KCTD10: variants seen among roughly 807,000 people sequenced by gnomAD.
KCTD10 encodes the protein potassium channel tetramerization domain containing 10.
KCTD10 carries 13 observed loss-of-function variants against 34.6 expected under a neutral mutation model. That is an observed-to-expected ratio of 0.38 (90% CI 0.24 to 0.60). The LOEUF is 0.60. KCTD10 is among the 20% of genes least tolerant of loss of function. KCTD10 has a pLI of 0.66. For synonymous variants in KCTD10, 156 were observed against 168.8 expected (o/e 0.92, Z 0.59); for missense variants, 256 against 420.3 (o/e 0.61, Z 3.42).
At position 109,457,702 on chromosome 12, in the gene KCTD10, A is replaced by G. The variant is rs1277945422; in HGVS notation, c.475-20T>C. ...GGCTGGCTGTGGGTTGTTTTAAAAG[A>G]AGAAGAAGAGAGTTACTTGGCAGGC... On this transcript the variant is annotated intron_variant, in intron 4 of 6. Coordinates refer to ENST00000228495, the MANE Select transcript of KCTD10 (RefSeq NM_031954.5). 1 of 1,613,778 alleles carries G rather than the reference A, an allele frequency of 6.2e-7. No individual in the cohort carries two copies. The highest frequency in any genetic ancestry group is 1.7e-5 in the Admixed American group (1 of 60,014).
intron 1 of KCTD10, 173 bp from the exon 2 acceptor site, chr12:109,469,901 T>A: frequency 7.3e-7 from 1 of 1,366,950 alleles, no homozygotes; most frequent in Non-Finnish European, 9.6e-7. Context: ...TCTGGACTTC[T>A]GGCTTCTCCT....
intron 3 of KCTD10, chr12:109,458,911 T>G (rs1873168626): frequency 6.6e-6 from 1 of 152,286 alleles, no homozygotes; most frequent in African/African-American, 2.4e-5. Flanking sequence ...TGCAGCCCAG[T>G]GGACAACAAG....
At position 109,451,942 on chromosome 12, in the gene KCTD10, T is replaced by G; in HGVS notation, c.724-129A>C. On this transcript the variant is annotated intron_variant, in intron 6 of 6. Transcript: ENST00000228495. The surrounding 1 kb of genome is among the most constrained non-coding windows in gnomAD (Gnocchi z 5.0). ...CTGCTGAAGGCCACCAGTATTATTTTTAAATAAACTGATATTTTCAATGGC... is the reference window on the plus strand; with the variant it reads ...CTGCTGAAGGCCACCAGTATTATTTGTAAATAAACTGATATTTTCAATGGC... 3.1e-6 allele frequency: 2 copies of G among 646,978 alleles called. No homozygotes were observed. Among genetic ancestry groups the G allele is most frequent in the Non-Finnish European group, 5.0e-6 (2 of 400,992 alleles). 40.1% of individuals were successfully genotyped at this position (646,978 alleles called of 1,614,324 possible). A position where few individuals can be genotyped will look rare whatever the true frequency, so the allele number is the denominator to read the frequency against.
At position 109,461,905 on chromosome 12, in the gene KCTD10, G is replaced by A. The variant is rs529418007; in HGVS notation, c.218-1100C>T. Among the ~76,000 whole-genome samples, 4 of 152,290 alleles carry A rather than the reference G, an allele frequency of 2.6e-5. No individual in the cohort carries two copies. In the East Asian group the frequency reaches 5.8e-4, roughly 22 times the overall value. ...CCGTGAGAAGGCTTCAGTAGGAATC[G>A]GTCACTTTATGCTACCACCTTCCTC... On this transcript the variant is annotated intron_variant, in intron 2 of 6. Coordinates refer to ENST00000228495, the MANE Select transcript of KCTD10 (RefSeq NM_031954.5).
In KCTD10 at chr12:109,469,737, GGA is replaced by G. The variant is rs1207575860; in HGVS notation, c.4-11_4-10del. On this transcript the variant is annotated splice_polypyrimidine_tract_variant and intron_variant, in intron 1 of 6. Transcript: ENST00000228495. ...TCTCCTGACATCTCTTCCTGCCAGT[GGA>G]GAGGATACAGGGTCATGACATCAGG... 6.2e-7 allele frequency: 1 copy of G among 1,613,908 alleles called. No individual in the cohort carries two copies. The highest frequency in any genetic ancestry group is 1.3e-5 in the African/African-American group (1 of 74,918).
At chr12:109,466,323 C>T (rs1488275215) in intron 2 of KCTD10, among the ~76,000 whole-genome samples, 1 of 152,216 alleles carries the variant, frequency 6.6e-6, no homozygotes, top group African/African-American at 2.4e-5. Flanking sequence ...TTACTGAGTT[C>T]TCCCAACATC....
rs1873113801 is a variant in KCTD10, at chr12:109,457,986, A to G, written c.474+6T>C. The G allele has an allele frequency of 6.2e-7, 1 of 1,610,570 alleles. No homozygotes were observed. The highest frequency in any genetic ancestry group is 8.5e-7 in the Non-Finnish European group (1 of 1,176,720). On this transcript the variant is annotated splice_donor_region_variant and intron_variant, in intron 4 of 6. Coordinates refer to ENST00000228495, the MANE Select transcript of KCTD10 (RefSeq NM_031954.5). The stretch of plus-strand genomic sequence containing the variant: ...AAGAAATTCCACAAGGGTGCCTCCA[A>G]CATACCTTATTTGAAGTCGCTATAA...
rs1169037897 is a variant in KCTD10 at position 109,448,722 on chromosome 12, CTT to C, written c.*2871_*2872del. 1 of 152,222 alleles carries C rather than the reference CTT, an allele frequency of 6.6e-6. No homozygotes were observed. Among genetic ancestry groups the C allele is most frequent in the Non-Finnish European group, 1.5e-5 (1 of 68,036 alleles). The allele number at this position is 152,222 out of a possible 1,614,324, so 9.4% of individuals were successfully genotyped here. Reference sequence around the variant, plus strand: ...CAACATACAGTGGCTACATCTAAAACTTTGAGCATTTTTTTATGGCGCAAAGA... The same window carrying C: ...CAACATACAGTGGCTACATCTAAAACTGAGCATTTTTTTATGGCGCAAAGA... On this transcript the variant is annotated 3_prime_UTR_variant, in exon 7 of 7. Transcript: ENST00000228495.
intron 6 of KCTD10, among the ~76,000 whole-genome samples, chr12:109,453,718 C>T (rs1377443815): frequency 6.6e-6 from 1 of 152,182 alleles, no homozygotes; most frequent in African/African-American, 2.4e-5. Context: ...ACCAAACCCC[C>T]AGCTTTCTGG....
At position 109,477,297 on chromosome 12, in the gene KCTD10, G is replaced by A. The variant is rs1874441445; in HGVS notation, c.-35C>T. ...GAGGACGCAGGAGTCTCCAAACCCG[G>A]ACTGAGAGAGGCAGGAAACACCCAG... On this transcript the variant is annotated 5_prime_UTR_variant, in exon 1 of 7. Coordinates refer to ENST00000228495, the MANE Select transcript of KCTD10 (RefSeq NM_031954.5). 1 of 1,613,574 alleles carries A rather than the reference G, an allele frequency of 6.2e-7. No individual in the cohort carries two copies. The highest frequency in any genetic ancestry group is 8.5e-7 in the Non-Finnish European group (1 of 1,179,790).
At chr12:109,464,798 A>C in intron 2 of KCTD10, 1 of 455,538 alleles carries the variant, frequency 2.2e-6, no homozygotes, top group Non-Finnish European at 4.4e-6. Flanking sequence ...TGCAATAATT[A>C]AAAGGTTGGA....
rs374862342 is a variant in KCTD10, at chr12:109,457,976, G to A, written c.474+16C>T. On this transcript the variant is annotated intron_variant, in intron 4 of 6. Coordinates refer to ENST00000228495, the MANE Select transcript of KCTD10 (RefSeq NM_031954.5). ...CTGGTAGCAAAAGAAATTCCACAAG[G>A]GTGCCTCCAACATACCTTATTTGAA... 6.3e-7 allele frequency: 1 copy of A among 1,593,318 alleles called. No homozygotes were observed. The highest frequency in any genetic ancestry group is 1.1e-5 in the South Asian group (1 of 90,472).
chr12:109,477,102 A>G (rs1421757184), intron 1 of KCTD10, among the ~76,000 whole-genome samples, 158 bp downstream of exon 1: 2 of 16,636 alleles, frequency 1.2e-4, no homozygotes, highest in Non-Finnish European at 2.4e-4. Flanking sequence ...CCCTTCCCCC[A>G]CCCCGGGCCT....
chr12:109,464,853 A>G (rs1873516245), intron 2 of KCTD10: 1 of 455,958 alleles, frequency 2.2e-6, no homozygotes, highest in Non-Finnish European at 4.4e-6. Flanking sequence ...CAGGGAGTAG[A>G]AGTTGCCATA....
Position 109,450,043 on chromosome 12 carries a change from A to AG in KCTD10, c.*1551dup, listed in dbSNP as rs1566049243. 1 of 379,784 alleles carries AG rather than the reference A, an allele frequency of 2.6e-6. No homozygotes were observed. Among genetic ancestry groups the AG allele is most frequent in the Non-Finnish European group, 4.7e-6 (1 of 214,606 alleles). 23.5% of individuals were successfully genotyped at this position (379,784 alleles called of 1,614,324 possible). On this transcript the variant is annotated 3_prime_UTR_variant, in exon 7 of 7. Transcript: ENST00000228495. ...ATGAAGGCATACAACTGTCACAGGC[A>AG]GGGCAGTAAGTACAAAGTCTAAGCT...
chr12:109,451,855 C>T lies in KCTD10; in HGVS notation c.724-42G>A. 3.9e-6 allele frequency: 6 copies of T among 1,534,618 alleles called. No individual in the cohort carries two copies. The highest frequency in any genetic ancestry group is 1.4e-5 in the African/African-American group (1 of 73,270). On this transcript the variant is annotated intron_variant, in intron 6 of 6. Coordinates refer to ENST00000228495, the MANE Select transcript of KCTD10 (RefSeq NM_031954.5). The surrounding 1 kb of genome is among the most constrained non-coding windows in gnomAD (Gnocchi z 5.0). ...TACAGGGCAGGTAAGTTATGGCCCA[C>T]CCCCTCTGCCAACACCTGGACTTTA...
rs1873258771 is a variant in KCTD10 at position 109,460,473 on chromosome 12, G to A, written c.387+163C>T. On this transcript the variant is annotated intron_variant, in intron 3 of 6. Transcript: ENST00000228495. The surrounding 1 kb of genome is among the most constrained non-coding windows in gnomAD (Gnocchi z 4.5). ...CCTGCTGTTCCAGGGAGGCCTCTCA[G>A]GGGTCACTCCAACCGAAGGAATCGG... The A allele has an allele frequency of 1.5e-6, 1 of 688,810 alleles. No individual in the cohort carries two copies. Among genetic ancestry groups the A allele is most frequent in the South Asian group, 1.9e-5 (1 of 52,686 alleles). The allele number at this position is 688,810 out of a possible 1,614,324, so 42.7% of individuals were successfully genotyped here.
In KCTD10 at chr12:109,451,527, C is replaced by G; in HGVS notation, c.*68G>C. On this transcript the variant is annotated 3_prime_UTR_variant, in exon 7 of 7. Transcript: ENST00000228495. The surrounding 1 kb of genome is among the most constrained non-coding windows in gnomAD (Gnocchi z 5.0). ...AGCAGAAGGGGCCCGGCAGCCTGCA[C>G]AGGATCTGGGTGTAGCACGGCAGGG... The G allele has an allele frequency of 2.1e-6, 3 of 1,453,650 alleles. No individual in the cohort carries two copies. The highest frequency in any genetic ancestry group is 1.9e-6 in the Non-Finnish European group (2 of 1,074,030). 90.0% of individuals were successfully genotyped at this position (1,453,650 alleles called of 1,614,324 possible). A position where few individuals can be genotyped will look rare whatever the true frequency, so the allele number is the denominator to read the frequency against.
At chr12:109,461,264 G>T (rs1210634453) in intron 2 of KCTD10, among the ~76,000 whole-genome samples, 1 of 152,140 alleles carries the variant, frequency 6.6e-6, no homozygotes, top group Non-Finnish European at 1.5e-5. Context: ...CCATTTCTAA[G>T]AACGCACAAG....
Sources: allele counts gnomAD v4.1 joint callset (sites outside exome capture counted in the v4.1 genomes callset), GRCh38; gene constraint gnomAD v4.1.1; non-coding constraint Gnocchi (gnomAD v3.1); transcripts MANE v1.5; gene names NCBI Gene and HGNC (gene_info 2026-07-23, HGNC 2026-07-21).